Variants in DNM3 observed in about 807,000 individuals in gnomAD.
DNM3 encodes the protein dynamin-3.
In DNM3, 47 loss-of-function variants were observed where a neutral mutation model predicts 101.6. The observed-to-expected ratio is 0.46, with a 90% CI of 0.37 to 0.59. The LOEUF (loss-of-function observed/expected upper bound fraction) is 0.59, where lower values mean the gene tolerates loss of function less well. Ranked by LOEUF, DNM3 falls within the 20% of genes least tolerant of loss-of-function variation. DNM3 has a pLI of 0.00. For synonymous variants in DNM3, 385 were observed against 387.9 expected (o/e 0.99, Z 0.09); for missense variants, 849 against 1,085.7 (o/e 0.78, Z 3.06).
intron 7 of DNM3, among the ~76,000 whole-genome samples, chr1:172,039,063 C>T (rs1204959826): frequency 6.6e-6 from 1 of 151,980 alleles, no homozygotes; most frequent in African/African-American, 2.4e-5. Flanking sequence ...AGAGTTATTC[C>T]TGTGGTGTCT....
chr1:172,071,675 G>A (rs969332751), intron 11 of DNM3, among the ~76,000 whole-genome samples: 4 of 152,152 alleles, frequency 2.6e-5, no homozygotes, highest in African/African-American at 9.7e-5. Context: ...CCATAAATCT[G>A]TCTGTAGCTT....
Position 171,841,568 on chromosome 1 carries a change from G to T in DNM3, c.-89G>T. On this transcript the variant is annotated 5_prime_UTR_variant, in exon 1 of 21. Coordinates refer to ENST00000627582, the MANE Select transcript of DNM3 (RefSeq NM_015569.5). ...GACCTGGCTGGCTGAGCCCGGCGCA[G>T]CAGCAGCAGCCAGGGCAGCGCGGCC... The T allele has an allele frequency of 2.0e-6, 3 of 1,490,788 alleles. No homozygotes were observed. Among genetic ancestry groups the T allele is most frequent in the East Asian group, 5.1e-5 (2 of 38,996 alleles). The allele number at this position is 1,490,788 out of a possible 1,614,324, so 92.3% of individuals were successfully genotyped here. A position where few individuals can be genotyped will look rare whatever the true frequency, so the allele number is the denominator to read the frequency against.
At chr1:171,899,284 G>A (rs1292684694) in intron 1 of DNM3, among the ~76,000 whole-genome samples, 3 of 152,186 alleles carry the variant, frequency 2.0e-5, no homozygotes, top group Admixed American at 6.5e-5. Flanking sequence ...ATGCTGCTGC[G>A]TTTCAGTGGA....
intron 18 of DNM3, among the ~76,000 whole-genome samples, chr1:172,380,244 C>T (rs2068824727): frequency 1.3e-5 from 2 of 151,890 alleles, no homozygotes; most frequent in Non-Finnish European, 2.9e-5. Context: ...GAAGATGGTA[C>T]AAATGAAAGT....
intron 2 of DNM3, among the ~76,000 whole-genome samples, chr1:171,976,272 T>G (rs770107045): frequency 1.6e-4 from 25 of 152,248 alleles, no homozygotes; most frequent in Non-Finnish European, 3.1e-4. Context: ...TTTGTCATGA[T>G]GACTGTTCTC....
intron 14 of DNM3, among the ~76,000 whole-genome samples, chr1:172,202,122 C>G (rs1171625422): frequency 6.6e-6 from 1 of 152,130 alleles, no homozygotes; most frequent in African/African-American, 2.4e-5. Context: ...GTTGTATTTA[C>G]TTGCCCTGTT....
intron 14 of DNM3, among the ~76,000 whole-genome samples, chr1:172,249,131 A>G (rs1046764152): frequency 1.3e-5 from 2 of 152,142 alleles, no homozygotes; most frequent in Non-Finnish European, 2.9e-5. Flanking sequence ...CTATTCCCCC[A>G]CACACCTGAT....
At chr1:172,227,286 A>ATG (rs2061165195) in intron 14 of DNM3, among the ~76,000 whole-genome samples, 1 of 126,304 alleles carries the variant, frequency 7.9e-6, no homozygotes. Flanking sequence ...ATATATATAT[A>ATG]TATATATATA....
At chr1:172,172,210 G>C (rs1051682882) in intron 14 of DNM3, among the ~76,000 whole-genome samples, 15 of 151,624 alleles carry the variant, frequency 9.9e-5, no homozygotes, top group Non-Finnish European at 1.5e-5. Context: ...GTTCTTCATA[G>C]GTGTGTCTCC....
chr1:172,049,368 A>G (rs185180709), intron 10 of DNM3, among the ~76,000 whole-genome samples: 1 of 152,270 alleles, frequency 6.6e-6, no homozygotes, highest in Non-Finnish European at 1.5e-5. Flanking sequence ...GATGCCTGAA[A>G]CCTATGGGAC....
chr1:171,930,963 G>C (rs77987043), intron 2 of DNM3, among the ~76,000 whole-genome samples: 1 of 152,150 alleles, frequency 6.6e-6, no homozygotes, highest in South Asian at 2.1e-4. Context: ...ATCGCTTAGG[G>C]GGAGGTGTGG....
intron 1 of DNM3, 143 bp downstream of exon 1, chr1:171,841,960 A>G (rs1010963524): frequency 2.9e-6 from 1 of 342,480 alleles, no homozygotes. Context: ...AATGGGGGGC[A>G]GAGTGGCGGT....
At chr1:172,349,916 A>G (rs566198717) in intron 17 of DNM3, among the ~76,000 whole-genome samples, 20 of 152,306 alleles carry the variant, frequency 1.3e-4, no homozygotes, top group Middle Eastern at 6.8e-3. Flanking sequence ...TTAAAAACAT[A>G]GAAGCACCAA....
intron 1 of DNM3, among the ~76,000 whole-genome samples, chr1:171,908,810 T>C (rs2039044176): frequency 6.6e-6 from 1 of 152,190 alleles, no homozygotes; most frequent in Non-Finnish European, 1.5e-5. Context: ...AATGTAATCT[T>C]TCTTAAAAGT....
intron 1 of DNM3, among the ~76,000 whole-genome samples, chr1:171,858,920 C>A (rs1190644074): frequency 6.6e-6 from 1 of 152,176 alleles, no homozygotes; most frequent in African/African-American, 2.4e-5. Flanking sequence ...CATCATTCAT[C>A]TTCTGGACTA....
At chr1:171,939,686 T>C (rs1036615790) in intron 2 of DNM3, among the ~76,000 whole-genome samples, 17 of 152,220 alleles carry the variant, frequency 1.1e-4, no homozygotes, top group African/African-American at 3.9e-4. Context: ...TGTAGAGTTG[T>C]TAATATCTGT....
At chr1:172,412,835 G>A (rs1461444309), downstream of DNM3, 37 of 775,676 alleles carry the variant, frequency 4.8e-5, no homozygotes, top group Admixed American at 2.5e-4. Context: ...CCAAAGTAAA[G>A]AATGATAGCA....
intron 14 of DNM3, among the ~76,000 whole-genome samples, chr1:172,230,960 A>G (rs991123921): frequency 5.9e-5 from 9 of 151,732 alleles, no homozygotes; most frequent in African/African-American, 2.2e-4. Context: ...AATGACATAG[A>G]TCTTCTCCTC....
chr1:172,192,687 T>C (rs368364511), intron 14 of DNM3, among the ~76,000 whole-genome samples: 189 of 151,984 alleles, frequency 1.2e-3, no homozygotes, highest in African/African-American at 3.9e-3. Flanking sequence ...TCATCCATGT[T>C]CCTACAAAGG....
Sources: allele counts gnomAD v4.1 joint callset (sites outside exome capture counted in the v4.1 genomes callset), GRCh38; gene constraint gnomAD v4.1.1; transcripts MANE v1.5; gene names NCBI Gene and HGNC (gene_info 2026-07-23, HGNC 2026-07-21).